Variants in POLQ observed in about 807,000 individuals in gnomAD.
POLQ encodes epididymis secretory sperm binding protein.
A neutral mutation model predicts 259.2 loss-of-function variants in POLQ; 233 were observed. The ratio of observed to expected loss-of-function variants is 0.90; its 90% CI spans 0.81 to 1.00. The LOEUF (loss-of-function observed/expected upper bound fraction) is 1.00. POLQ is among the 50% of genes least tolerant of loss of function. The probability of loss-of-function intolerance (pLI) is 0.00; values close to 1 mark genes in which losing one functional copy is unlikely to be tolerated. For synonymous variants in POLQ, 1,025 were observed against 1,048.8 expected (o/e 0.98, Z 0.44); for missense variants, 2,871 against 3,051.6 (o/e 0.94, Z 1.39).
chr3:121,515,704 CCTAT>C (rs1290502742), intron 9 of POLQ, among the ~76,000 whole-genome samples: 1 of 152,162 alleles, frequency 6.6e-6, no homozygotes, highest in Non-Finnish European at 1.5e-5. Context: ...CCAAAGAACA[CCTAT>C]AAAAGCCAAA....
At chr3:121,536,406 G>C (rs1027637514) in intron 5 of POLQ, among the ~76,000 whole-genome samples, 1 of 152,094 alleles carries the variant, frequency 6.6e-6, no homozygotes, top group Non-Finnish European at 1.5e-5. Context: ...AATTAGAGAT[G>C]CTGCTGTAAA....
chr3:121,458,644 G>A (rs1216078146), intron 25 of POLQ, among the ~76,000 whole-genome samples: 1 of 152,170 alleles, frequency 6.6e-6, no homozygotes, highest in Non-Finnish European at 1.5e-5. Context: ...CCTCTCCAGG[G>A]ATTAAACAGA....
rs909656090 is a variant in POLQ, at chr3:121,519,376, A to C, written c.1468+495T>G. Among the ~76,000 whole-genome samples the C allele has an allele frequency of 2.7e-5, 4 of 147,292 alleles. No homozygotes were observed. The Admixed American group carries it at 2.7e-4, about 10-fold the overall frequency. ...CAGTTGATGATATATATATATATATATATATATATGAAAATTATGCCAGGC... is the reference window on the plus strand; with the variant it reads ...CAGTTGATGATATATATATATATATCTATATATATGAAAATTATGCCAGGC... On this transcript the variant is annotated intron_variant, in intron 9 of 29. Coordinates refer to ENST00000264233, the MANE Select transcript of POLQ (RefSeq NM_199420.4).
intron 28 of POLQ, among the ~76,000 whole-genome samples, chr3:121,434,608 C>G (rs1360953206): frequency 6.6e-6 from 1 of 152,150 alleles, no homozygotes; most frequent in Non-Finnish European, 1.5e-5. Context: ...TCAGGTATTT[C>G]AAGGGGGACT....
Position 121,495,011 on chromosome 3 carries a change from C to T in POLQ, c.2279-1290G>A, listed in dbSNP as rs1437508943. ...AAGATGCTGGGCGCAGTGGCTCACG[C>T]CTGTAATCCCAGCACTTTGGAAGGC... On this transcript the variant is annotated intron_variant, in intron 14 of 29. Coordinates refer to ENST00000264233, the MANE Select transcript of POLQ (RefSeq NM_199420.4). 6 of 592,370 alleles carry T rather than the reference C, an allele frequency of 1.0e-5. No homozygotes were observed. In the Admixed American group the frequency reaches 1.5e-4, roughly 15 times the overall value. The allele number at this position is 592,370 out of a possible 1,614,324, so 36.7% of individuals were successfully genotyped here.
chr3:121,441,212 T>G (rs2047589682), intron 26 of POLQ, among the ~76,000 whole-genome samples: 1 of 152,040 alleles, frequency 6.6e-6, no homozygotes, highest in African/African-American at 2.4e-5. Context: ...CAAACTCCTA[T>G]AGGAGACCTC....
intron 7 of POLQ, among the ~76,000 whole-genome samples, chr3:121,523,739 CA>C (rs1489624927): frequency 7.1e-6 from 1 of 141,050 alleles, no homozygotes; most frequent in African/African-American, 2.5e-5. Flanking sequence ...AACAAAAAAA[CA>C]AAAAGGAAAA....
intron 15 of POLQ, 29 bp from the exon 16 acceptor site, chr3:121,490,437 A>G (rs200494613): frequency 2.6e-6 from 4 of 1,565,788 alleles, no homozygotes; most frequent in Admixed American, 3.4e-5. Context: ...AAAGACAGAA[A>G]TGAATTCATT....
At chr3:121,494,318 T>C (rs2048096547) in intron 14 of POLQ, 2 of 1,598,060 alleles carry the variant, frequency 1.3e-6, no homozygotes, top group Non-Finnish European at 1.7e-6. Flanking sequence ...AGCCATCCTC[T>C]ATAAGCGGCT....
At chr3:121,501,908 T>C (rs1400188825) in intron 12 of POLQ, among the ~76,000 whole-genome samples, 3 of 149,360 alleles carry the variant, frequency 2.0e-5, no homozygotes, top group African/African-American at 7.4e-5. Flanking sequence ...GAGAATTGCT[T>C]GAACCTGGGA....
At position 121,513,559 on chromosome 3, in the gene POLQ, G is replaced by A. The variant is rs573898332; in HGVS notation, c.1469-1530C>T. ...AGAGGTTGCAGTGAGCTGAGATCACGCCACTGCACTCCAGCCTGGCAACAG... is the reference window on the plus strand; with the variant it reads ...AGAGGTTGCAGTGAGCTGAGATCACACCACTGCACTCCAGCCTGGCAACAG... On this transcript the variant is annotated intron_variant, in intron 9 of 29. Coordinates refer to ENST00000264233, the MANE Select transcript of POLQ (RefSeq NM_199420.4). 7.6e-4 allele frequency among the ~76,000 whole-genome samples: 91 copies of A among 120,172 alleles called. 3 individuals carry two copies. In the South Asian group the frequency reaches 0.026, roughly 34 times the overall value. 78.8% of individuals were successfully genotyped at this position (120,172 alleles called of 152,430 possible).
chr3:121,490,814 G>C (rs1434520272), intron 15 of POLQ, among the ~76,000 whole-genome samples: 1 of 152,200 alleles, frequency 6.6e-6, no homozygotes, highest in Non-Finnish European at 1.5e-5. Context: ...AGCACTTTGG[G>C]AGACCAAGGA....
intron 26 of POLQ, among the ~76,000 whole-genome samples, chr3:121,442,373 T>C (rs2047600471): frequency 6.6e-6 from 1 of 152,248 alleles, no homozygotes. Context: ...CCTGTTGTGC[T>C]AGCAAATACT....
chr3:121,532,712 T>G (rs1248777047), intron 6 of POLQ, among the ~76,000 whole-genome samples: 2 of 152,052 alleles, frequency 1.3e-5, no homozygotes, highest in Admixed American at 1.3e-4. Flanking sequence ...TTTTGTATTT[T>G]TAGTAGCGAC....
intron 28 of POLQ, among the ~76,000 whole-genome samples, chr3:121,434,501 A>G (rs2047527182): frequency 6.6e-6 from 1 of 152,194 alleles, no homozygotes; most frequent in Admixed American, 6.5e-5. Context: ...ATTACTCCCC[A>G]AATGAGTTTA....
chr3:121,514,698 T>G (rs2048282759), intron 9 of POLQ, among the ~76,000 whole-genome samples: 1 of 151,586 alleles, frequency 6.6e-6, no homozygotes, highest in Non-Finnish European at 1.5e-5. Context: ...AGCAAGGAGG[T>G]AGAGCTCACG....
At chr3:121,459,730 C>T (rs1397749355) in intron 25 of POLQ, among the ~76,000 whole-genome samples, 2 of 152,036 alleles carry the variant, frequency 1.3e-5, no homozygotes, top group Admixed American at 6.6e-5. Context: ...CGGGTGTGTA[C>T]GAACACACGC....
chr3:121,432,923 C>G lies in POLQ; in HGVS notation c.7654G>C (p.Val2552Leu). Residue 2552 changes from valine to leucine, a missense_variant, in exon 29 of 30, where the codon GTT becomes CTT. Physicochemically the swap from Val to Leu is conservative, Grantham distance 32. Around this residue, in one of 3 missense-constraint regions of POLQ, gnomAD observed 2,080 missense variants for 2,126.0 expected, o/e 0.98. Coordinates refer to ENST00000264233, the MANE Select transcript of POLQ (RefSeq NM_199420.4). The part of the protein sequence containing the change: ...LLYEVAEEDV[V>L]QVAQIVKNEM... ...CACAAGCATTGCAAAAATACCTGAA[C>G]AACATCTTCTTCTGCCACTTCATAT... The G allele has an allele frequency of 6.4e-7, 1 of 1,564,844 alleles. No individual in the cohort carries two copies. Among genetic ancestry groups the G allele is most frequent in the South Asian group, 1.1e-5 (1 of 90,044 alleles).
chr3:121,445,465 T>C (rs2047624845), intron 26 of POLQ, among the ~76,000 whole-genome samples: 1 of 152,336 alleles, frequency 6.6e-6, no homozygotes, highest in Middle Eastern at 3.4e-3. Context: ...TCTGGAGTAT[T>C]CATTGTGCTG....
Sources: gnomAD v4.1 joint callset for allele counts (sites outside exome capture counted in the v4.1 genomes callset) on GRCh38, gnomAD v4.1.1 for gene constraint, gnomAD v4.1.1 regional missense constraint, MANE v1.5 for transcripts, NCBI Gene and HGNC (gene_info 2026-07-23, HGNC 2026-07-21) for gene names.